The following CACNA2D3 variants were observed in gnomAD, a reference collection of about 807,000 sequenced individuals.
The protein encoded by CACNA2D3 is voltage-dependent calcium channel subunit alpha-2/delta-3.
In CACNA2D3, 60 loss-of-function variants were observed where a neutral mutation model predicts 160.6. The ratio of observed to expected loss-of-function variants is 0.37; its 90% CI spans 0.30 to 0.46. CACNA2D3 has a LOEUF of 0.46. Among genes scored for constraint, CACNA2D3 ranks in the 20% least tolerant of loss-of-function variants. CACNA2D3 has a pLI of 1.00. For synonymous variants in CACNA2D3, 558 were observed against 492.9 expected, an observed-to-expected ratio of 1.13 and a Z score of -1.75; for missense variants, 1,205 against 1,365.0, an observed-to-expected ratio of 0.88 and a Z score of 1.85.
intron 4 of CACNA2D3, among the ~76,000 whole-genome samples, chr3:54,407,982 A>C (rs1699605245): frequency 6.6e-6 from 1 of 152,150 alleles, no homozygotes; most frequent in South Asian, 2.1e-4. Context: ...AATAGTTGTT[A>C]ATGGCCTCCT....
At chr3:54,510,964 T>G (rs1052481519) in intron 5 of CACNA2D3, among the ~76,000 whole-genome samples, 1 of 152,162 alleles carries the variant, frequency 6.6e-6, no homozygotes, top group Non-Finnish European at 1.5e-5. Context: ...CAGCCCTGTT[T>G]GTAGAATGAA....
intron 5 of CACNA2D3, among the ~76,000 whole-genome samples, chr3:54,520,654 A>G (rs116490786): frequency 2.0e-5 from 3 of 152,296 alleles, no homozygotes; most frequent in East Asian, 1.9e-4. Flanking sequence ...AAAGTGTACA[A>G]TTCAGTGGTT....
chr3:54,777,172 G>A (rs1044224185), intron 13 of CACNA2D3, among the ~76,000 whole-genome samples: 2 of 152,032 alleles, frequency 1.3e-5, no homozygotes, highest in African/African-American at 2.4e-5. Context: ...CAAAAGAATC[G>A]ATGTGCCAAA....
intron 9 of CACNA2D3, among the ~76,000 whole-genome samples, chr3:54,589,386 C>G (rs1428582909): frequency 6.6e-6 from 1 of 151,910 alleles, no homozygotes; most frequent in African/African-American, 2.4e-5. Context: ...CAACATTTAA[C>G]TCAAACGGAT....
intron 27 of CACNA2D3, chr3:54,918,574 A>T: frequency 6.2e-7 from 1 of 1,614,094 alleles, no homozygotes; most frequent in Non-Finnish European, 8.5e-7. Context: ...GCAGCCATAG[A>T]TGGCAGCTGC....
chr3:54,610,344 C>T (rs1332882775), intron 9 of CACNA2D3, among the ~76,000 whole-genome samples: 2 of 152,106 alleles, frequency 1.3e-5, no homozygotes, highest in African/African-American at 4.8e-5. Flanking sequence ...GGTTACTTTT[C>T]GTTTTTGCTT....
chr3:54,688,001 C>T lies in CACNA2D3; in HGVS notation c.1167+45760C>T, dbSNP rs551201818. Among the ~76,000 whole-genome samples the T allele has an allele frequency of 1.1e-4, 16 of 152,230 alleles. No homozygotes were observed. In the East Asian group the frequency reaches 3.1e-3, roughly 29 times the overall value. Reference sequence around the variant, plus strand: ...AGTAGAACTCTGTGAATCTACTTGTCTTTGCGTCGTTATTAACCAGAATGT... The same window carrying T: ...AGTAGAACTCTGTGAATCTACTTGTTTTTGCGTCGTTATTAACCAGAATGT... On this transcript the variant is annotated intron_variant, in intron 11 of 37. Coordinates refer to ENST00000474759, the MANE Select transcript of CACNA2D3 (RefSeq NM_018398.3).
intron 13 of CACNA2D3, among the ~76,000 whole-genome samples, chr3:54,765,406 A>G (rs1702205358): frequency 6.6e-6 from 1 of 152,176 alleles, no homozygotes; most frequent in South Asian, 2.1e-4. Context: ...ATAAAGATGA[A>G]TGTTGAGCTG....
At chr3:54,764,393 C>T in intron 13 of CACNA2D3, 42 bp downstream of exon 13, 1 of 1,605,456 alleles carries the variant, frequency 6.2e-7, no homozygotes. Flanking sequence ...AGCTTTACCC[C>T]CATCCCCAAA....
At chr3:54,711,456 T>C (rs1393492986) in intron 11 of CACNA2D3, among the ~76,000 whole-genome samples, 1 of 152,236 alleles carries the variant, frequency 6.6e-6, no homozygotes, top group Admixed American at 6.5e-5. Context: ...TCTCAGGTGA[T>C]GGCAGCAGTT....
chr3:54,639,654 T>C lies in CACNA2D3; in HGVS notation c.1054-2474T>C, dbSNP rs530617462. On this transcript the variant is annotated intron_variant, in intron 10 of 37. Coordinates refer to ENST00000474759, the MANE Select transcript of CACNA2D3 (RefSeq NM_018398.3). ...TCTTGGGCTGGTTGGTCTGAGGACC[T>C]GAGGTCGTAGGTGGATCTTTCTCAC... 727 of 246,368 alleles carry C rather than the reference T, an allele frequency of 3.0e-3. 17 individuals are homozygous for C. The highest frequency in any genetic ancestry group is 0.016 in the African/African-American group (675 of 42,348). The allele number at this position is 246,368 out of a possible 1,614,324, so 15.3% of individuals were successfully genotyped here. A position where few individuals can be genotyped will look rare whatever the true frequency, so the allele number is the denominator to read the frequency against.
At chr3:54,123,677 G>T in intron 2 of CACNA2D3, 83 bp downstream of exon 2, 2 of 1,107,142 alleles carry the variant, frequency 1.8e-6, no homozygotes, top group Non-Finnish European at 2.8e-6. Context: ...ACAAACGTGA[G>T]CCCCGAGCAG....
intron 35 of CACNA2D3, among the ~76,000 whole-genome samples, chr3:55,045,706 T>G (rs936388080): frequency 6.6e-6 from 1 of 152,328 alleles, no homozygotes; most frequent in South Asian, 2.1e-4. Flanking sequence ...ATTTCCTTAT[T>G]GCTCTTTTAG....
At chr3:54,983,432 C>G (rs1702549466) in intron 29 of CACNA2D3, among the ~76,000 whole-genome samples, 1 of 152,188 alleles carries the variant, frequency 6.6e-6, no homozygotes, top group South Asian at 2.1e-4. Context: ...TATCAAGACT[C>G]CCTCCAGGAC....
At chr3:54,210,541 C>T (rs1216545933) in intron 2 of CACNA2D3, among the ~76,000 whole-genome samples, 1 of 152,062 alleles carries the variant, frequency 6.6e-6, no homozygotes, top group African/African-American at 2.4e-5. Context: ...GGTCACCGGA[C>T]TTCTGCAGAC....
At chr3:54,180,740 C>T (rs1037539555) in intron 2 of CACNA2D3, among the ~76,000 whole-genome samples, 12 of 152,338 alleles carry the variant, frequency 7.9e-5, no homozygotes, top group Admixed American at 2.6e-4. Context: ...CCTAACAGAC[C>T]TGGCTGTTGC....
Position 54,169,507 on chromosome 3 carries a change from T to C in CACNA2D3, c.204+45913T>C, listed in dbSNP as rs141461464. On this transcript the variant is annotated intron_variant, in intron 2 of 37. Coordinates refer to ENST00000474759, the MANE Select transcript of CACNA2D3 (RefSeq NM_018398.3). ...TCACAGTTTATTACTGCACTTCGGC[T>C]ATACACAGATACTTGCCCTCATGAA... Among the ~76,000 whole-genome samples the C allele has an allele frequency of 9.0e-3, 1,371 of 152,280 alleles. 17 individuals carry two copies. The highest frequency in any genetic ancestry group is 0.02 in the Middle Eastern group (6 of 294).
At chr3:54,549,242 C>G (rs1186327861) in intron 5 of CACNA2D3, among the ~76,000 whole-genome samples, 2 of 152,068 alleles carry the variant, frequency 1.3e-5, no homozygotes, top group Non-Finnish European at 2.9e-5. Context: ...GTCGGGAGAT[C>G]GAGACCATCC....
At chr3:54,791,040 A>ATTT (rs5849060) in intron 13 of CACNA2D3, among the ~76,000 whole-genome samples, 5,595 of 149,512 alleles carry the variant, frequency 0.037, 156 homozygotes, top group South Asian at 0.07. Flanking sequence ...CCTTCTTTGT[A>ATTT]TTTTTTTTTT....
Sources: allele counts gnomAD v4.1 joint callset (sites outside exome capture counted in the v4.1 genomes callset), GRCh38; gene constraint gnomAD v4.1.1; transcripts MANE v1.5; gene names NCBI Gene and HGNC (gene_info 2026-07-23, HGNC 2026-07-21).